The following FAM118B variants were observed in gnomAD, a reference collection of about 807,000 sequenced individuals.
FAM118B encodes protein FAM118B.
Under a neutral mutation model 38.5 loss-of-function variants are expected in FAM118B, and 24 were observed. The observed-to-expected ratio is 0.62, with a 90% CI of 0.45 to 0.88. The LOEUF is 0.88. FAM118B is among the 40% of genes least tolerant of loss of function. The probability of loss-of-function intolerance (pLI) is 0.00; values close to 1 mark genes in which losing one functional copy is unlikely to be tolerated. For missense variants in FAM118B, 334 were observed against 420.0 expected, an observed-to-expected ratio of 0.80 and a Z score of 1.79; for synonymous variants, 138 against 156.3, an observed-to-expected ratio of 0.88 and a Z score of 0.87.
At chr11:126,235,797 G>A (rs1565331143) in intron 3 of FAM118B, among the ~76,000 whole-genome samples, 1 of 151,944 alleles carries the variant, frequency 6.6e-6, no homozygotes, top group South Asian at 2.1e-4. Context: ...GGGATTATAG[G>A]CGTGAGCCAC....
intron 3 of FAM118B, among the ~76,000 whole-genome samples, chr11:126,238,355 T>A (rs568515801): frequency 6.6e-6 from 1 of 151,944 alleles, no homozygotes; most frequent in Non-Finnish European, 1.5e-5. Context: ...AGTTGGAGAA[T>A]CTGTGTGTAC....
intron 5 of FAM118B, among the ~76,000 whole-genome samples, chr11:126,251,715 T>C (rs2135201828): frequency 6.6e-6 from 1 of 152,156 alleles, no homozygotes; most frequent in South Asian, 2.1e-4. Context: ...TTGTAGCACT[T>C]AGTATTAACT....
intron 2 of FAM118B, among the ~76,000 whole-genome samples, chr11:126,234,360 CG>C (rs917799702): frequency 8.5e-5 from 13 of 152,138 alleles, no homozygotes; most frequent in Non-Finnish European, 1.3e-4. Context: ...TTCCAGCACC[CG>C]AACATAATTG....
chr11:126,215,899 C>T (rs1317605155), intron 1 of FAM118B, among the ~76,000 whole-genome samples: 2 of 151,686 alleles, frequency 1.3e-5, no homozygotes, highest in Non-Finnish European at 2.9e-5. Flanking sequence ...CCTAACTAAC[C>T]CTTGAGGCTG....
chr11:126,238,487 G>A (rs1477738029), intron 3 of FAM118B, among the ~76,000 whole-genome samples: 1 of 152,148 alleles, frequency 6.6e-6, no homozygotes, highest in Non-Finnish European at 1.5e-5. Context: ...TTTCCTAACT[G>A]GATGGGGGAT....
chr11:126,229,456 T>A (rs1950181881), intron 2 of FAM118B, 163 bp downstream of exon 2: 1 of 152,166 alleles, frequency 6.6e-6, no homozygotes, highest in East Asian at 1.9e-4. Context: ...GTTTTTTTGT[T>A]TTTTGAGACA....
At chr11:126,211,731 G>T, upstream of FAM118B, 2 of 1,430,832 alleles carry the variant, frequency 1.4e-6, no homozygotes, top group Non-Finnish European at 1.9e-6. Flanking sequence ...CACGTGGTGC[G>T]GGGTGGGGCC....
intron 1 of FAM118B, among the ~76,000 whole-genome samples, chr11:126,228,875 T>C (rs1350740548): frequency 6.6e-6 from 1 of 152,200 alleles, no homozygotes; most frequent in Non-Finnish European, 1.5e-5. Context: ...TTTTAACTCA[T>C]AGAGAATATC....
At chr11:126,254,549 G>C in intron 6 of FAM118B, 116 bp downstream of exon 6, 1 of 1,386,194 alleles carries the variant, frequency 7.2e-7, no homozygotes, top group Non-Finnish European at 9.9e-7. Context: ...CGGAAGGTCA[G>C]GGGCTAGGAG....
At chr11:126,261,539 G>C in intron 8 of FAM118B, 55 bp downstream of exon 8, 1 of 1,452,414 alleles carries the variant, frequency 6.9e-7, no homozygotes, top group Non-Finnish European at 9.6e-7. Flanking sequence ...GTCTTTCTAG[G>C]TCCTTGGTTA....
chr11:126,240,060 G>A (rs577674538), intron 3 of FAM118B, among the ~76,000 whole-genome samples: 3 of 152,248 alleles, frequency 2.0e-5, no homozygotes, highest in African/African-American at 7.2e-5. Context: ...TTCAAGCAGG[G>A]ATAGTCTCCA....
At position 126,262,415 on chromosome 11, in the gene FAM118B, C is replaced by G. The variant is rs1950719873; in HGVS notation, c.*282C>G. The G allele has an allele frequency of 4.1e-6, 2 of 485,900 alleles. No individual in the cohort carries two copies. Among genetic ancestry groups the G allele is most frequent in the Non-Finnish European group, 7.3e-6 (2 of 273,190 alleles). The allele number at this position is 485,900 out of a possible 1,614,324, so 30.1% of individuals were successfully genotyped here. On this transcript the variant is annotated 3_prime_UTR_variant, in exon 9 of 9. Transcript: ENST00000533050. ...CAGGCTAGACATGCTTGTGTCCACA[C>G]AGCACACCAATGTGATACTTCCACT...
chr11:126,229,011 C>T (rs139777604), intron 1 of FAM118B, among the ~76,000 whole-genome samples: 1 of 152,256 alleles, frequency 6.6e-6, no homozygotes, highest in East Asian at 1.9e-4. Flanking sequence ...ATAGGTAACC[C>T]ACACTATTTT....
chr11:126,260,200 T>G (rs1395219988), intron 7 of FAM118B, among the ~76,000 whole-genome samples: 1 of 151,680 alleles, frequency 6.6e-6, no homozygotes, highest in Non-Finnish European at 1.5e-5. Context: ...GCCCAGCTAA[T>G]TTTTGTATTT....
intron 1 of FAM118B, among the ~76,000 whole-genome samples, chr11:126,218,748 T>C (rs1950016823): frequency 2.0e-5 from 3 of 152,316 alleles, no homozygotes; most frequent in Non-Finnish European, 4.4e-5. Context: ...GGCTGGTATA[T>C]ATGGATTTTG....
chr11:126,250,382 C>T lies in FAM118B; in HGVS notation c.340-124C>T, dbSNP rs12807374. ...CTGGGATTACAGGCGTGAGCCACTG[C>T]GCCTGGCCTTTATCTCTGTTTTGAA... On this transcript the variant is annotated intron_variant, in intron 4 of 8. Coordinates refer to ENST00000533050, the MANE Select transcript of FAM118B (RefSeq NM_024556.4). The surrounding 1 kb of genome is among the most constrained non-coding windows in gnomAD (Gnocchi z 5.1). The T allele has an allele frequency of 0.13, 85,707 of 662,148 alleles. 6,302 individuals carry two copies. The highest frequency in any genetic ancestry group is 0.15 in the Non-Finnish European group (59,696 of 386,518). The allele number at this position is 662,148 out of a possible 1,614,324, so 41.0% of individuals were successfully genotyped here.
intron 1 of FAM118B, among the ~76,000 whole-genome samples, chr11:126,215,989 G>A (rs1016563226): frequency 6.6e-6 from 1 of 151,800 alleles, no homozygotes; most frequent in Non-Finnish European, 1.5e-5. Context: ...ACTCCAGCCT[G>A]GGTGACAGAG....
At chr11:126,222,723 T>C (rs1950080333) in intron 1 of FAM118B, among the ~76,000 whole-genome samples, 1 of 152,174 alleles carries the variant, frequency 6.6e-6, no homozygotes, top group Admixed American at 6.5e-5. Context: ...ATTAGAAATA[T>C]CAATTGATCC....
At chr11:126,259,431 T>C (rs1950637534) in intron 7 of FAM118B, among the ~76,000 whole-genome samples, 1 of 150,376 alleles carries the variant, frequency 6.6e-6, no homozygotes, top group South Asian at 2.1e-4. Context: ...GGTACTTTTT[T>C]TTTTTTTTTT....
Sources: gnomAD v4.1 joint callset for allele counts (sites outside exome capture counted in the v4.1 genomes callset) on GRCh38, gnomAD v4.1.1 for gene constraint, Gnocchi (gnomAD v3.1) non-coding constraint, MANE v1.5 for transcripts, NCBI Gene and HGNC (gene_info 2026-07-23, HGNC 2026-07-21) for gene names.